Variants in DENND5B observed in about 807,000 individuals in gnomAD.
The protein encoded by DENND5B is DENN domain containing 5B, also known as DENN domain-containing protein 5B.
A neutral mutation model predicts 140.6 loss-of-function variants in DENND5B; 34 were observed. The ratio of observed to expected loss-of-function variants is 0.24; its 90% CI spans 0.18 to 0.32. The LOEUF (loss-of-function observed/expected upper bound fraction) is 0.32, where lower values mean the gene tolerates loss of function less well. Ranked by LOEUF, DENND5B falls within the 10% of genes least tolerant of loss-of-function variation. The pLI, the probability that DENND5B is intolerant of heterozygous loss-of-function variation, is 1.00. For missense variants in DENND5B, 1,142 were observed against 1,560.2 expected, an observed-to-expected ratio of 0.73 and a Z score of 4.52; for synonymous variants, 551 against 562.1, an observed-to-expected ratio of 0.98 and a Z score of 0.28.
chr12:31,423,509 TGA>T, intron 11 of DENND5B, 86 bp downstream of exon 11: 2 of 1,351,710 alleles, frequency 1.5e-6, no homozygotes, highest in Non-Finnish European at 2.1e-6. Flanking sequence ...AATTTTAGCT[TGA>T]GAGAGAAAGA....
In DENND5B at chr12:31,409,380, G is replaced by A; in HGVS notation, c.2686C>T (p.Leu896Phe). The change falls in exon 14 of 21, where the codon CTT becomes TTT. Residue 896 changes from leucine to phenylalanine, a missense_variant. Transcript: ENST00000389082. ...CGTAGAAAAGCATATCGCTTATAAAGCTTCCTAGGAAAGGGTAAGACAAGC... is the reference window on the plus strand; with the variant it reads ...CGTAGAAAAGCATATCGCTTATAAAACTTCCTAGGAAAGGGTAAGACAAGC... ...LLSNQPLTKK[L>F]YKRYAFLRCE... 4 of 1,467,708 alleles carry A rather than the reference G, an allele frequency of 2.7e-6. No homozygotes were observed. The highest frequency in any genetic ancestry group is 3.6e-6 in the Non-Finnish European group (4 of 1,096,652). 90.9% of individuals were successfully genotyped at this position (1,467,708 alleles called of 1,614,324 possible).
At chr12:31,549,447 A>C (rs1948965755) in intron 1 of DENND5B, among the ~76,000 whole-genome samples, 1 of 151,752 alleles carries the variant, frequency 6.6e-6, no homozygotes, top group Non-Finnish European at 1.5e-5. Context: ...TATGGCTCTA[A>C]TTTTCTATTC....
At position 31,451,989 on chromosome 12, in the gene DENND5B, T is replaced by C. The variant is rs1472471097; in HGVS notation, c.1580A>G (p.Asp527Gly). 1 of 1,613,570 alleles carries C rather than the reference T, an allele frequency of 6.2e-7. No homozygotes were observed. The highest frequency in any genetic ancestry group is 1.3e-5 in the African/African-American group (1 of 74,914). ...YEAFVIQTAQ[D>G]MESWLTNREQ... ...CCGGTTGGTCAGCCAGGATTCCATGTCCTGGGCAGTCTGAATGACAAATGC... is the reference window on the plus strand; with the variant it reads ...CCGGTTGGTCAGCCAGGATTCCATGCCCTGGGCAGTCTGAATGACAAATGC... Residue 527 changes from aspartate (D) to glycine (G), a missense_variant, in exon 5 of 21, where the codon GAC (aspartate) becomes GGC (glycine). Coordinates refer to ENST00000389082, the MANE Select transcript of DENND5B (RefSeq NM_144973.4).
Position 31,468,650 on chromosome 12 carries a change from T to TA in DENND5B, c.905-8270dup, listed in dbSNP as rs78032305. On this transcript the variant is annotated intron_variant, in intron 3 of 20. Coordinates refer to ENST00000389082, the MANE Select transcript of DENND5B (RefSeq NM_144973.4). ...AGTGAGACCCTGTCATTTCAAAAAA[T>TA]AAAAAAAAAAATTAGCCAGGCATGG... is the stretch of plus-strand genomic sequence containing the variant. 7.8e-3 allele frequency among the ~76,000 whole-genome samples: 1,115 copies of TA among 143,566 alleles called. 7 individuals carry two copies. Among genetic ancestry groups the TA allele is most frequent in the Non-Finnish European group, 0.011 (729 of 65,246 alleles). 94.2% of individuals were successfully genotyped at this position (143,566 alleles called of 152,430 possible).
intron 3 of DENND5B, among the ~76,000 whole-genome samples, chr12:31,460,749 G>A (rs1450664345): frequency 6.6e-6 from 1 of 152,150 alleles, no homozygotes; most frequent in Non-Finnish European, 1.5e-5. Flanking sequence ...TTTTTGAGAT[G>A]GAGTCTCGCT....
chr12:31,568,718 G>A (rs540004268), intron 1 of DENND5B, among the ~76,000 whole-genome samples: 3 of 152,264 alleles, frequency 2.0e-5, no homozygotes, highest in African/African-American at 7.2e-5. Flanking sequence ...AATGAAGCTG[G>A]AGCCACGTTC....
intron 1 of DENND5B, among the ~76,000 whole-genome samples, chr12:31,588,640 C>G (rs1950488245): frequency 6.6e-6 from 1 of 152,168 alleles, no homozygotes; most frequent in South Asian, 2.1e-4. Context: ...AATGCTACAA[C>G]ATTTTATTAT....
At chr12:31,423,758 T>G in intron 10 of DENND5B, 83 bp from the exon 11 acceptor site, 1 of 1,406,688 alleles carries the variant, frequency 7.1e-7, no homozygotes, top group Non-Finnish European at 1.0e-6. Flanking sequence ...CATATTCCAA[T>G]AGCCATTTAG....
intron 19 of DENND5B, among the ~76,000 whole-genome samples, chr12:31,389,839 C>T (rs760649691): frequency 2.0e-5 from 3 of 152,100 alleles, no homozygotes; most frequent in African/African-American, 4.8e-5. Flanking sequence ...AGCAATGACA[C>T]GGTAGCCATT....
In DENND5B at chr12:31,413,433, T is replaced by C; in HGVS notation, c.2681+3A>G. ...CAGAAATGTATCAAAGATGGTATCTTACTTGGTGAGTGGTTGGTTAGAAAG... is the reference window on the plus strand; with the variant it reads ...CAGAAATGTATCAAAGATGGTATCTCACTTGGTGAGTGGTTGGTTAGAAAG... On this transcript the variant is annotated splice_donor_region_variant and intron_variant, in intron 13 of 20. Transcript: ENST00000389082. The C allele has an allele frequency of 6.2e-7, 1 of 1,610,906 alleles. No homozygotes were observed. Among genetic ancestry groups the C allele is most frequent in the African/African-American group, 1.3e-5 (1 of 74,934 alleles).
intron 6 of DENND5B, among the ~76,000 whole-genome samples, chr12:31,444,370 A>C (rs1446073368): frequency 6.6e-6 from 1 of 152,082 alleles, no homozygotes; most frequent in Non-Finnish European, 1.5e-5. Context: ...CAGCCTCCCG[A>C]GTAGCTGGGA....
intron 1 of DENND5B, among the ~76,000 whole-genome samples, chr12:31,497,822 C>G (rs1244249616): frequency 4.2e-4 from 1 of 2,388 alleles, no homozygotes; most frequent in Non-Finnish European, 7.0e-4. Flanking sequence ...GCGGAGGGGG[C>G]AGGGAGGGGC....
At position 31,415,405 on chromosome 12, in the gene DENND5B, C is replaced by T. The variant is rs1234324477; in HGVS notation, c.2514G>A (p.Met838Ile). ...TAAGAGAGACCCTGAGCGTTGGCAA[C>T]ATAACTCCTGAGTCAGATTTTCTTC... The part of the protein sequence containing the change: ...PERRKSDSGV[M>I]LPTLRVSLIQ... The change falls in exon 12 of 21, where the codon ATG becomes ATA. Residue 838 changes from methionine (M) to isoleucine (I), a missense_variant. By Grantham distance (10) the Met-to-Ile change is conservative. This residue lies in a region of DENND5B where 268 missense variants were observed against 349.2 expected (regional missense o/e 0.77). Coordinates refer to ENST00000389082, the MANE Select transcript of DENND5B (RefSeq NM_144973.4). The T allele has an allele frequency of 1.9e-6, 3 of 1,610,674 alleles. No individual in the cohort carries two copies. Among genetic ancestry groups the T allele is most frequent in the South Asian group, 1.1e-5 (1 of 90,328 alleles).
intron 1 of DENND5B, among the ~76,000 whole-genome samples, chr12:31,576,112 G>A (rs936421356): frequency 6.8e-6 from 1 of 147,296 alleles, no homozygotes; most frequent in Non-Finnish European, 1.5e-5. Flanking sequence ...CTGCACTCCA[G>A]CCCGTGTGAC....
intron 9 of DENND5B, among the ~76,000 whole-genome samples, chr12:31,425,879 A>G (rs192677194): frequency 6.6e-6 from 1 of 152,354 alleles, no homozygotes; most frequent in East Asian, 1.9e-4. Context: ...ACACAAACCT[A>G]CAACACAGCT....
chr12:31,562,610 G>A (rs1211271028), intron 1 of DENND5B, among the ~76,000 whole-genome samples: 1 of 151,256 alleles, frequency 6.6e-6, no homozygotes, highest in Non-Finnish European at 1.5e-5. Context: ...GCGAAACTCT[G>A]TCTTTAAAAA....
At chr12:31,543,483 C>A (rs955115091) in intron 1 of DENND5B, among the ~76,000 whole-genome samples, 6 of 152,126 alleles carry the variant, frequency 3.9e-5, no homozygotes, top group African/African-American at 1.4e-4. Flanking sequence ...TGGAAAAAAA[C>A]CCACTAGGCT....
intron 1 of DENND5B, among the ~76,000 whole-genome samples, chr12:31,568,638 T>C (rs1949711844): frequency 6.6e-6 from 1 of 152,160 alleles, no homozygotes. Context: ...TGCCACTTAA[T>C]AACTCTGAGG....
intron 3 of DENND5B, among the ~76,000 whole-genome samples, chr12:31,472,764 T>C (rs1274195219): frequency 6.6e-6 from 1 of 152,040 alleles, no homozygotes; most frequent in Non-Finnish European, 1.5e-5. Flanking sequence ...CTGGAATTGC[T>C]TGGGGATATA....
Sources: gnomAD v4.1 joint callset for allele counts (sites outside exome capture counted in the v4.1 genomes callset) on GRCh38, gnomAD v4.1.1 for gene constraint, gnomAD v4.1.1 regional missense constraint, MANE v1.5 for transcripts, NCBI Gene and HGNC (gene_info 2026-07-23, HGNC 2026-07-21) for gene names.